RNF130: variants seen among roughly 807,000 people sequenced by gnomAD.
RNF130 encodes the protein E3 ubiquitin-protein ligase RNF130.
Under a neutral mutation model 44.6 loss-of-function variants are expected in RNF130, and 21 were observed. That is an observed-to-expected ratio of 0.47 (90% CI 0.33 to 0.68). The LOEUF is 0.68. RNF130 is among the 30% of genes least tolerant of loss of function. The pLI is 0.02. For missense variants in RNF130, 479 were observed against 560.6 expected (o/e 0.85, Z 1.47); for synonymous variants, 214 against 210.4 (o/e 1.02, Z -0.15).
intron 7 of RNF130, among the ~76,000 whole-genome samples, chr5:179,948,856 C>G (rs1418181877): frequency 6.6e-6 from 1 of 151,642 alleles, no homozygotes; most frequent in Non-Finnish European, 1.5e-5. Flanking sequence ...CTAAGACTGC[C>G]TTAAGCTGCT....
In RNF130 at chr5:180,048,644, G is replaced by A. The variant is rs147370319; in HGVS notation, c.248-7997C>T. Among the ~76,000 whole-genome samples, 52 of 152,214 alleles carry A rather than the reference G, an allele frequency of 3.4e-4. No homozygotes were observed. In the East Asian group the frequency reaches 7.7e-3, roughly 23 times the overall value. ...CAGAGAGAGATGCTATCTCAAAAACGGGAAGAGGGAATTTATCCTGTCTCA... is the reference window on the plus strand; with the variant it reads ...CAGAGAGAGATGCTATCTCAAAAACAGGAAGAGGGAATTTATCCTGTCTCA... On this transcript the variant is annotated intron_variant, in intron 1 of 8. Transcript: ENST00000521389.
At position 180,071,748 on chromosome 5, in the gene RNF130, C is replaced by T. The variant is rs1181000055; in HGVS notation, c.-46G>A. ...CTGCTCGCGGACCGGGCTCCGGGGC[C>T]GGCGCCTAGAGGCGGGGCGGGCGCG... On this transcript the variant is annotated 5_prime_UTR_variant, in exon 1 of 9. Coordinates refer to ENST00000521389, the MANE Select transcript of RNF130 (RefSeq NM_018434.6). The T allele has an allele frequency of 3.5e-6, 4 of 1,135,772 alleles. No homozygotes were observed. Among genetic ancestry groups the T allele is most frequent in the African/African-American group, 3.3e-5 (2 of 60,426 alleles). 70.4% of individuals were successfully genotyped at this position (1,135,772 alleles called of 1,614,324 possible). A position where few individuals can be genotyped will look rare whatever the true frequency, so the allele number is the denominator to read the frequency against.
chr5:180,068,427 G>T (rs1041317122), intron 1 of RNF130, among the ~76,000 whole-genome samples: 3 of 152,168 alleles, frequency 2.0e-5, no homozygotes, highest in Admixed American at 2.0e-4. Flanking sequence ...GTTAGCCCCA[G>T]GCAAATGATT....
chr5:180,071,420 G>A, intron 1 of RNF130, 36 bp downstream of exon 1: 13 of 1,231,738 alleles, frequency 1.1e-5, no homozygotes, highest in Non-Finnish European at 1.3e-5. Context: ...GCGGGATGCA[G>A]CGACCACCGC....
At chr5:179,985,153 C>CTTTTT (rs34998254) in intron 3 of RNF130, among the ~76,000 whole-genome samples, 24 of 91,958 alleles carry the variant, frequency 2.6e-4, no homozygotes, top group Admixed American at 4.3e-4. Flanking sequence ...TACCCCCTAA[C>CTTTTT]TTTTTTTTTT....
chr5:179,925,730 G>C (rs1761698865), intron 7 of RNF130, among the ~76,000 whole-genome samples: 1 of 152,178 alleles, frequency 6.6e-6, no homozygotes, highest in Admixed American at 6.5e-5. Flanking sequence ...CCAGGGTCTT[G>C]TTAGGTTGAC....
At chr5:180,069,005 C>G (rs1425353999) in intron 1 of RNF130, among the ~76,000 whole-genome samples, 1 of 152,208 alleles carries the variant, frequency 6.6e-6, no homozygotes, top group Non-Finnish European at 1.5e-5. Context: ...AATTGTTAAA[C>G]TCATTAAATC....
At chr5:179,965,198 A>G (rs1263732522) in intron 7 of RNF130, among the ~76,000 whole-genome samples, 1 of 152,174 alleles carries the variant, frequency 6.6e-6, no homozygotes, top group Non-Finnish European at 1.5e-5. Context: ...ATCATAAAAC[A>G]CCCAATATGC....
At chr5:180,002,598 AG>A (rs1316085397) in intron 3 of RNF130, among the ~76,000 whole-genome samples, 2 of 152,088 alleles carry the variant, frequency 1.3e-5, no homozygotes, top group Non-Finnish European at 1.5e-5. Context: ...CCTGGTGGTG[AG>A]GTCTGTAGGT....
chr5:180,070,983 C>T (rs929450776), intron 1 of RNF130, among the ~76,000 whole-genome samples: 1 of 26,602 alleles, frequency 3.8e-5, no homozygotes, highest in African/African-American at 8.9e-5. Flanking sequence ...CCATTTACAC[C>T]CCCCCCCCAA....
At chr5:180,010,531 T>C (rs1016774257) in intron 3 of RNF130, among the ~76,000 whole-genome samples, 2 of 152,068 alleles carry the variant, frequency 1.3e-5, no homozygotes, top group African/African-American at 2.4e-5. Flanking sequence ...AGCTACATTT[T>C]TGTATTTTTA....
chr5:179,988,041 C>T (rs190171350), intron 3 of RNF130, among the ~76,000 whole-genome samples: 62 of 152,294 alleles, frequency 4.1e-4, no homozygotes, highest in Non-Finnish European at 6.5e-4. Flanking sequence ...GAAGAACTGA[C>T]GTTAATTCTC....
At chr5:180,019,602 A>C (rs540751473) in intron 2 of RNF130, among the ~76,000 whole-genome samples, 1 of 152,154 alleles carries the variant, frequency 6.6e-6, no homozygotes, top group Non-Finnish European at 1.5e-5. Context: ...CTTCAAACCC[A>C]ATCTTCATTC....
intron 3 of RNF130, among the ~76,000 whole-genome samples, chr5:179,985,056 A>G (rs1762923874): frequency 6.6e-6 from 1 of 151,840 alleles, no homozygotes; most frequent in South Asian, 2.1e-4. Flanking sequence ...ACCCATTTCC[A>G]TCAAGTCATC....
intron 3 of RNF130, among the ~76,000 whole-genome samples, chr5:180,008,061 C>T (rs1582183344): frequency 6.7e-6 from 1 of 149,922 alleles, no homozygotes; most frequent in African/African-American, 2.5e-5. Flanking sequence ...TGCCTGGGGC[C>T]CTCAAGACAT....
intron 1 of RNF130, among the ~76,000 whole-genome samples, chr5:180,067,801 G>A (rs1224254473): frequency 6.6e-6 from 1 of 152,062 alleles, no homozygotes; most frequent in Non-Finnish European, 1.5e-5. Context: ...CCCTGCCTTT[G>A]CTGTTATGAA....
chr5:179,987,033 T>C (rs935615182), intron 3 of RNF130, among the ~76,000 whole-genome samples: 5 of 152,232 alleles, frequency 3.3e-5, no homozygotes, highest in African/African-American at 1.2e-4. Context: ...ATTTATCAGG[T>C]TTATGAGTTT....
exon 8 of RNF130, chr5:179,912,629 T>C (rs1222574487): frequency 6.6e-6 from 1 of 152,194 alleles, no homozygotes. Flanking sequence ...ACTGGCCCAG[T>C]CCACAGAGCA....
At chr5:179,949,498 A>T (rs944302574) in intron 7 of RNF130, among the ~76,000 whole-genome samples, 12 of 148,810 alleles carry the variant, frequency 8.1e-5, no homozygotes, top group Admixed American at 3.4e-4. Flanking sequence ...AAAATACTTT[A>T]AAAAAAAAAG....
Sources: gnomAD v4.1 joint callset for allele counts (sites outside exome capture counted in the v4.1 genomes callset) on GRCh38, gnomAD v4.1.1 for gene constraint, MANE v1.5 for transcripts, NCBI Gene and HGNC (gene_info 2026-07-23, HGNC 2026-07-21) for gene names.